PLCZ1: variants seen among roughly 807,000 people sequenced by gnomAD.
The protein encoded by PLCZ1 is phospholipase C zeta 1.
A neutral mutation model predicts 76.8 loss-of-function variants in PLCZ1; 64 were observed. The ratio of observed to expected loss-of-function variants is 0.83; its 90% CI spans 0.68 to 1.03. The LOEUF (loss-of-function observed/expected upper bound fraction) is 1.03, where lower values mean the gene tolerates loss of function less well. PLCZ1 is among the 50% of genes least tolerant of loss of function. PLCZ1 has a pLI of 0.00. For missense variants in PLCZ1, 751 were observed against 713.7 expected (o/e 1.05, Z -0.60); for synonymous variants, 248 against 230.8 (o/e 1.07, Z -0.68).
intron 14 of PLCZ1, 28 bp from the exon 15 acceptor site, chr12:18,683,352 C>A (rs1952615697): frequency 1.2e-6 from 2 of 1,600,016 alleles, no homozygotes; most frequent in African/African-American, 2.7e-5. Context: ...TCTAATTAGA[C>A]CAATAACCAA....
chr12:18,713,297 C>T (rs1331090190), intron 5 of PLCZ1, among the ~76,000 whole-genome samples: 1 of 152,144 alleles, frequency 6.6e-6, no homozygotes, highest in Non-Finnish European at 1.5e-5. Flanking sequence ...AGTTGTAGCT[C>T]TGAAACATCC....
At chr12:18,655,299 C>G in the PLCZ1 span, among the ~76,000 whole-genome samples, 1 of 152,062 alleles carries the variant, frequency 6.6e-6, no homozygotes, top group African/African-American at 2.4e-5. Context: ...GACACAGGAG[C>G]CAACTGAAAG....
the PLCZ1 span, among the ~76,000 whole-genome samples, chr12:18,670,843 CA>C: frequency 9.9e-5 from 15 of 152,170 alleles, no homozygotes; most frequent in South Asian, 2.1e-3. Flanking sequence ...TTTACTTGAT[CA>C]AATCAGTTAG....
chr12:18,658,449 G>C, the PLCZ1 span, among the ~76,000 whole-genome samples: 1 of 152,094 alleles, frequency 6.6e-6, no homozygotes, highest in Non-Finnish European at 1.5e-5. Flanking sequence ...AGAGAAGCAA[G>C]TCATTATGCA....
At chr12:18,681,084 C>T (rs574371950), downstream of PLCZ1, among the ~76,000 whole-genome samples, 3 of 152,114 alleles carry the variant, frequency 2.0e-5, no homozygotes, top group African/African-American at 7.2e-5. Flanking sequence ...CGTCATGGTA[C>T]AGAGTGGCTG....
At chr12:18,700,551 A>G (rs1955760653) in intron 9 of PLCZ1, among the ~76,000 whole-genome samples, 1 of 141,080 alleles carries the variant, frequency 7.1e-6, no homozygotes, top group South Asian at 2.3e-4. Flanking sequence ...TGCTCTGCCA[A>G]GAGATAGGCA....
intron 6 of PLCZ1, among the ~76,000 whole-genome samples, chr12:18,707,350 T>C (rs761691267): frequency 6.6e-6 from 1 of 152,186 alleles, no homozygotes; most frequent in Non-Finnish European, 1.5e-5. Flanking sequence ...TAAGTAATTC[T>C]GAGACTGGGC....
intron 3 of PLCZ1, among the ~76,000 whole-genome samples, chr12:18,727,627 A>T (rs1452493182): frequency 6.6e-6 from 1 of 152,198 alleles, no homozygotes; most frequent in Non-Finnish European, 1.5e-5. Context: ...CAGATAAGGC[A>T]GGAAGCACAG....
chr12:18,679,777 A>T (rs1024298089), downstream of PLCZ1, among the ~76,000 whole-genome samples: 3 of 152,030 alleles, frequency 2.0e-5, no homozygotes, highest in African/African-American at 7.2e-5. Flanking sequence ...TAAATTATGT[A>T]CACATGGAAA....
the PLCZ1 span, among the ~76,000 whole-genome samples, chr12:18,654,957 C>G: frequency 6.6e-6 from 1 of 151,730 alleles, no homozygotes; most frequent in African/African-American, 2.4e-5. Flanking sequence ...AATGTTATCC[C>G]TATGTGAAAT....
intron 3 of PLCZ1, among the ~76,000 whole-genome samples, chr12:18,727,662 C>T (rs770739613): frequency 1.1e-4 from 16 of 152,010 alleles, no homozygotes; most frequent in Non-Finnish European, 1.9e-4. Flanking sequence ...TCCTCGGAAG[C>T]CACAGTGAGA....
At position 18,712,952 on chromosome 12, in the gene PLCZ1, C is replaced by G; in HGVS notation, c.604G>C (p.Asp202His). The stretch of plus-strand genomic sequence containing the variant: ...TCATTTTGTGCTCCATCCCAGCAGT[C>G]AATCTCCAAACAACGGCATCCTTTC... Reference protein sequence around the residue: ...LVKGCRCLEIDCWDGAQNEPV... With the variant: ...LVKGCRCLEIHCWDGAQNEPV... Residue 202 changes from aspartate (D) to histidine (H), a missense_variant, in exon 6 of 15, where the codon GAC (aspartate) becomes CAC (histidine). Physicochemically the swap from Asp to His is moderately conservative, Grantham distance 81 (BLOSUM62 -1). Coordinates refer to ENST00000266505, the MANE Select transcript of PLCZ1 (RefSeq NM_033123.4). The G allele has an allele frequency of 6.2e-7, 1 of 1,613,932 alleles. No individual in the cohort carries two copies. The highest frequency in any genetic ancestry group is 8.5e-7 in the Non-Finnish European group (1 of 1,179,860).
At chr12:18,661,469 G>GA in the PLCZ1 span, among the ~76,000 whole-genome samples, 1 of 151,956 alleles carries the variant, frequency 6.6e-6, no homozygotes, top group Non-Finnish European at 1.5e-5. Flanking sequence ...AGTGCTAAAA[G>GA]AAAAACAACT....
At chr12:18,688,382 A>G in intron 12 of PLCZ1, among the ~76,000 whole-genome samples, 164 bp from the exon 13 acceptor site, 1 of 152,078 alleles carries the variant, frequency 6.6e-6, no homozygotes, top group East Asian at 1.9e-4. Flanking sequence ...TAAGTCTTTT[A>G]TCCTCAGTTA....
chr12:18,688,139 C>G lies in PLCZ1; in HGVS notation c.1541G>C (p.Gly514Ala). The G allele has an allele frequency of 1.2e-6, 2 of 1,611,258 alleles. No homozygotes were observed. Among genetic ancestry groups the G allele is most frequent in the Non-Finnish European group, 1.7e-6 (2 of 1,178,958 alleles). Reference sequence around the variant, plus strand: ...CTGCTTCATTTGATCATTTGGAACACCAAAAACTTCTATAATTACTAATGA... The same window carrying G: ...CTGCTTCATTTGATCATTTGGAACAGCAAAAACTTCTATAATTACTAATGA... ...GDSLVIIEVF[G>A]VPNDQMKQQT... Residue 514 changes from glycine to alanine, a missense_variant, in exon 13 of 15, where the codon GGT becomes GCT. Physicochemically the swap from Gly to Ala is moderately conservative, Grantham distance 60 (BLOSUM62 0). Transcript: ENST00000266505.
At chr12:18,666,296 A>G in the PLCZ1 span, among the ~76,000 whole-genome samples, 1 of 152,052 alleles carries the variant, frequency 6.6e-6, no homozygotes, top group Non-Finnish European at 1.5e-5. Context: ...TAAAGGGCAT[A>G]TTTGGCAAAA....
the PLCZ1 span, among the ~76,000 whole-genome samples, chr12:18,671,349 G>A: frequency 2.0e-5 from 3 of 151,890 alleles, no homozygotes; most frequent in Admixed American, 6.6e-5. Context: ...ATCCACAATC[G>A]AGTAAGTACA....
chr12:18,650,238 A>C, the PLCZ1 span, among the ~76,000 whole-genome samples: 1 of 150,780 alleles, frequency 6.6e-6, no homozygotes, highest in African/African-American at 2.4e-5. Context: ...CTCCTAGTTG[A>C]TGTCAAACCC....
At position 18,720,820 on chromosome 12, in the gene PLCZ1, A is replaced by G. The variant is rs567185918; in HGVS notation, c.368-1188T>C. On this transcript the variant is annotated intron_variant, in intron 4 of 14. Coordinates refer to ENST00000266505, the MANE Select transcript of PLCZ1 (RefSeq NM_033123.4). ...AAGCAAGATAAGTGCAGGGGAATAA[A>G]CAAATTAAAGCTCAAAATATGATAC... 2.0e-5 allele frequency among the ~76,000 whole-genome samples: 3 copies of G among 152,182 alleles called. No individual in the cohort carries two copies. In the East Asian group the frequency reaches 5.8e-4, roughly 30 times the overall value.
Sources: allele counts gnomAD v4.1 joint callset (sites outside exome capture counted in the v4.1 genomes callset), GRCh38; gene constraint gnomAD v4.1.1; transcripts MANE v1.5; gene names NCBI Gene and HGNC (gene_info 2026-07-23, HGNC 2026-07-21).